Variants in GPHN observed in about 807,000 individuals in gnomAD.
GPHN encodes gephyrin.
Under a neutral mutation model 95.5 loss-of-function variants are expected in GPHN, and 17 were observed. The ratio of observed to expected loss-of-function variants is 0.18; its 90% CI spans 0.12 to 0.27. The LOEUF (loss-of-function observed/expected upper bound fraction) is 0.27, where lower values mean the gene tolerates loss of function less well. Among genes scored for constraint, GPHN ranks in the 10% least tolerant of loss-of-function variants. The pLI is 1.00. For missense variants in GPHN, 660 were observed against 978.1 expected (o/e 0.67, Z 4.34); for synonymous variants, 320 against 322.5 (o/e 0.99, Z 0.08).
chr14:66,620,987 G>T (rs995525390), intron 1 of GPHN, among the ~76,000 whole-genome samples: 1 of 152,056 alleles, frequency 6.6e-6, no homozygotes, highest in Non-Finnish European at 1.5e-5. Flanking sequence ...TTTTGAGAGA[G>T]AGAGTCTAAC....
intron 18 of GPHN, among the ~76,000 whole-genome samples, chr14:67,153,428 C>T (rs532030806): frequency 1.6e-4 from 24 of 152,180 alleles, no homozygotes; most frequent in Non-Finnish European, 3.1e-4. Context: ...TTCTTTTACC[C>T]TCACATGGCA....
chr14:67,595,150 TA>T, the GPHN span, among the ~76,000 whole-genome samples: 15 of 148,646 alleles, frequency 1.0e-4, no homozygotes, highest in Non-Finnish European at 1.8e-4. Context: ...AAAATAAAAA[TA>T]AAAAAAATAA....
At chr14:67,484,229 G>A in the GPHN span, among the ~76,000 whole-genome samples, 1 of 152,164 alleles carries the variant, frequency 6.6e-6, no homozygotes, top group Non-Finnish European at 1.5e-5. Flanking sequence ...GAGAGCAGGG[G>A]CACTGTCTTG....
At chr14:66,839,785 G>A (rs1033944365) in intron 4 of GPHN, among the ~76,000 whole-genome samples, 82 of 143,612 alleles carry the variant, frequency 5.7e-4, no homozygotes, top group African/African-American at 2.3e-3. Flanking sequence ...TTAGTTAATT[G>A]TGTGATACTT....
chr14:67,057,754 C>A (rs1468238374), intron 10 of GPHN, among the ~76,000 whole-genome samples: 1 of 151,926 alleles, frequency 6.6e-6, no homozygotes, highest in African/African-American at 2.4e-5. Flanking sequence ...TGGACTGTTA[C>A]ATTCTTCATG....
chr14:67,331,426 T>C, the GPHN span, among the ~76,000 whole-genome samples: 1 of 152,080 alleles, frequency 6.6e-6, no homozygotes. Context: ...CTCTATAAAA[T>C]TGTGCTAAGA....
the GPHN span, among the ~76,000 whole-genome samples, chr14:67,320,833 T>C: frequency 6.6e-6 from 1 of 151,866 alleles, no homozygotes; most frequent in Non-Finnish European, 1.5e-5. Flanking sequence ...TAAAATGTAT[T>C]GAGATAAATA....
At chr14:67,555,064 C>T in the GPHN span, among the ~76,000 whole-genome samples, 9 of 152,044 alleles carry the variant, frequency 5.9e-5, no homozygotes, top group South Asian at 2.1e-4. Flanking sequence ...AGGCGCACAC[C>T]GCCACGCTCA....
chr14:67,615,770 A>G, the GPHN span: 1 of 518,822 alleles, frequency 1.9e-6, no homozygotes, highest in Non-Finnish European at 3.6e-6. Context: ...TGCACCCCAG[A>G]GGTCTCCTTC....
chr14:67,601,103 G>A, the GPHN span, among the ~76,000 whole-genome samples: 1 of 152,154 alleles, frequency 6.6e-6, no homozygotes, highest in Admixed American at 6.5e-5. Flanking sequence ...AGTATCGTTG[G>A]CAATACTATG....
intron 2 of GPHN, among the ~76,000 whole-genome samples, chr14:66,700,809 G>A (rs1200122796): frequency 3.3e-5 from 5 of 152,076 alleles, no homozygotes; most frequent in Non-Finnish European, 7.4e-5. Flanking sequence ...TATAGTCCCA[G>A]CTACTTGGGA....
intron 8 of GPHN, among the ~76,000 whole-genome samples, chr14:66,941,750 T>A (rs560424836): frequency 2.0e-5 from 3 of 152,132 alleles, no homozygotes; most frequent in African/African-American, 7.2e-5. Context: ...TTTATTGCAC[T>A]GATCCAAACA....
Position 67,124,410 on chromosome 14 carries a change from C to A in GPHN, c.1748+2033C>A, listed in dbSNP as rs146056081. Among the ~76,000 whole-genome samples the A allele has an allele frequency of 9.6e-3, 1,467 of 152,090 alleles. 76 individuals carry two copies. Among genetic ancestry groups the A allele is most frequent in the Admixed American group, 0.089 (1,358 of 15,268 alleles). The stretch of plus-strand genomic sequence containing the variant: ...AACAAAGCGAGACTCCAGGGCCCCT[C>A]GTCCTAAGAAGGGAAAGTAAAGCCA... On this transcript the variant is annotated intron_variant, in intron 17 of 22. Coordinates refer to ENST00000478722, the MANE Select transcript of GPHN (RefSeq NM_020806.5).
At chr14:66,649,469 T>G (rs1340782151) in intron 1 of GPHN, among the ~76,000 whole-genome samples, 9 of 152,152 alleles carry the variant, frequency 5.9e-5, no homozygotes, top group Admixed American at 5.2e-4. Context: ...TCATCTGTAT[T>G]TACAGCCACT....
At chr14:67,722,672 C>T in the GPHN span, 1 of 1,613,984 alleles carries the variant, frequency 6.2e-7, no homozygotes, top group Non-Finnish European at 8.5e-7. Flanking sequence ...TGCTCACCTC[C>T]TTCTTCTCGT....
At chr14:66,642,246 G>A (rs2064455012) in intron 1 of GPHN, among the ~76,000 whole-genome samples, 1 of 152,164 alleles carries the variant, frequency 6.6e-6, no homozygotes, top group Non-Finnish European at 1.5e-5. Flanking sequence ...AGTGGGCCCA[G>A]TCTAATCACA....
At chr14:67,520,211 T>C in the GPHN span, among the ~76,000 whole-genome samples, 1 of 152,184 alleles carries the variant, frequency 6.6e-6, no homozygotes, top group Non-Finnish European at 1.5e-5. Context: ...GTCCATAGTT[T>C]ACATTAGGGT....
chr14:67,524,212 T>C, the GPHN span, among the ~76,000 whole-genome samples: 3 of 152,188 alleles, frequency 2.0e-5, no homozygotes, highest in South Asian at 6.2e-4. Flanking sequence ...CTCAGCCTAG[T>C]GAGTAGCTGG....
At chr14:66,870,650 G>A (rs1438847718) in intron 4 of GPHN, among the ~76,000 whole-genome samples, 1 of 152,152 alleles carries the variant, frequency 6.6e-6, no homozygotes, top group Non-Finnish European at 1.5e-5. Flanking sequence ...AATGTGAAGA[G>A]TAGGACAGAG....
Sources: allele counts gnomAD v4.1 joint callset (sites outside exome capture counted in the v4.1 genomes callset), GRCh38; gene constraint gnomAD v4.1.1; transcripts MANE v1.5; gene names NCBI Gene and HGNC (gene_info 2026-07-23, HGNC 2026-07-21).